AKR1B15: variants seen among roughly 807,000 people sequenced by gnomAD.
AKR1B15 encodes aldo-keto reductase family 1 member B15, also known as estradiol 17-beta-dehydrogenase AKR1B15.
Under a neutral mutation model 38.5 loss-of-function variants are expected in AKR1B15, and 49 were observed. That is an observed-to-expected ratio of 1.27 (90% confidence interval 1.01 to 1.62). AKR1B15 has a LOEUF of 1.62. AKR1B15 is among the 40% of genes most tolerant of loss of function. AKR1B15 has a pLI of 0.00. For synonymous variants in AKR1B15, 137 were observed against 135.5 expected (o/e 1.01, Z -0.08); for missense variants, 411 against 381.6 (o/e 1.08, Z -0.64).
At chr7:134,559,564 T>G (rs1794320372) in intron 2 of AKR1B15, among the ~76,000 whole-genome samples, 1 of 152,220 alleles carries the variant, frequency 6.6e-6, no homozygotes, top group Non-Finnish European at 1.5e-5. Flanking sequence ...GACAGATCCA[T>G]TTCTTAGAGA....
chr7:134,569,806 A>C, intron 5 of AKR1B15: 1 of 347,268 alleles, frequency 2.9e-6, no homozygotes, highest in Non-Finnish European at 5.5e-6. Context: ...TAAATCTCTT[A>C]ATCCCATCAT....
At chr7:134,577,924 T>G in intron 11 of AKR1B15, 138 bp downstream of exon 11, 1 of 957,548 alleles carries the variant, frequency 1.0e-6, no homozygotes, top group East Asian at 2.6e-5. Context: ...AAAGTTAAAA[T>G]TTGGGTACCT....
At chr7:134,551,837 A>G (rs1223593490) in intron 1 of AKR1B15, among the ~76,000 whole-genome samples, 1 of 152,204 alleles carries the variant, frequency 6.6e-6, no homozygotes, top group Non-Finnish European at 1.5e-5. Flanking sequence ...AATGCCCATT[A>G]AAGCCAGAGG....
chr7:134,555,188 G>A (rs1387901663), intron 1 of AKR1B15, among the ~76,000 whole-genome samples: 1 of 152,108 alleles, frequency 6.6e-6, no homozygotes, highest in African/African-American at 2.4e-5. Flanking sequence ...TCTCCAACGG[G>A]TACAAGACAT....
intron 2 of AKR1B15, among the ~76,000 whole-genome samples, chr7:134,562,862 C>CTTTCT (rs1306768934): frequency 7.0e-6 from 1 of 142,974 alleles, no homozygotes; most frequent in East Asian, 2.0e-4. Context: ...TTCTTTCTTT[C>CTTTCT]TTTCTTTCTT....
rs1794844244 is a variant in AKR1B15, at chr7:134,579,818, C to T, written c.*269C>T. On this transcript the variant is annotated 3_prime_UTR_variant, in exon 12 of 12. Transcript: ENST00000457545. Reference sequence around the variant, plus strand: ...TCAAATGTCTGTTAAGCACCAGAAACTCTGCCAACACTGAGGATGTAAAGA... The same window carrying T: ...TCAAATGTCTGTTAAGCACCAGAAATTCTGCCAACACTGAGGATGTAAAGA... The T allele has an allele frequency of 5.4e-6, 2 of 369,992 alleles. No homozygotes were observed. The highest frequency in any genetic ancestry group is 4.2e-5 in the African/African-American group (2 of 47,762). The allele number at this position is 369,992 out of a possible 1,614,324, so 22.9% of individuals were successfully genotyped here.
In AKR1B15 at chr7:134,577,701, T is replaced by G. The variant is rs368796813; in HGVS notation, c.910-3T>G. The G allele has an allele frequency of 1.9e-6, 3 of 1,613,470 alleles. No individual in the cohort carries two copies. The highest frequency in any genetic ancestry group is 2.2e-5 in the South Asian group (2 of 90,928). ...TAATGTATTGGAATTCTTTCCTTTC[T>G]AGGTCTTTGACTTTAAATTGAGTGA... is the stretch of plus-strand genomic sequence containing the variant. On this transcript the variant is annotated splice_region_variant and splice_polypyrimidine_tract_variant and intron_variant, in intron 10 of 11. Coordinates refer to ENST00000457545, the MANE Select transcript of AKR1B15 (RefSeq NM_001080538.3).
chr7:134,565,471 C>T (rs577983781), intron 3 of AKR1B15: 48 of 1,613,116 alleles, frequency 3.0e-5, no homozygotes, highest in Admixed American at 2.7e-4. Context: ...GAATCATTTC[C>T]GCACCAACCA....
intron 3 of AKR1B15, 113 bp from the exon 4 acceptor site, chr7:134,568,045 A>T: frequency 7.8e-7 from 1 of 1,288,548 alleles, no homozygotes; most frequent in South Asian, 1.3e-5. Context: ...GCTACTCAGG[A>T]GTTGGGAGGA....
rs767294095 is a variant in AKR1B15 at position 134,568,207 on chromosome 7, A to G, written c.200A>G (p.Glu67Gly). Residue 67 changes from glutamate (E) to glycine (G), a missense_variant, in exon 4 of 12, where the codon GAA (glutamate) becomes GGA (glycine). This residue lies in a region of AKR1B15 where 254 missense variants were observed against 212.4 expected (regional missense o/e 1.20). Transcript: ENST00000457545. ...GCGGTGAAGGTGGCCATTGATGCAG[A>G]ATATCGCCACATTGACTGTGCCTAT... Reference protein sequence around the residue: ...KEAVKVAIDAEYRHIDCAYFY... With the variant: ...KEAVKVAIDAGYRHIDCAYFY... The G allele has an allele frequency of 1.2e-6, 2 of 1,614,112 alleles. No homozygotes were observed. Among genetic ancestry groups the G allele is most frequent in the Non-Finnish European group, 1.7e-6 (2 of 1,180,000 alleles).
intron 6 of AKR1B15, 28 bp downstream of exon 6, chr7:134,571,709 T>C: frequency 6.4e-7 from 1 of 1,573,296 alleles, no homozygotes; most frequent in Non-Finnish European, 8.7e-7. Context: ...CTAAGTGTGC[T>C]GGGAGAGAAA....
At chr7:134,552,830 G>A (rs901556254) in intron 1 of AKR1B15, among the ~76,000 whole-genome samples, 4 of 152,010 alleles carry the variant, frequency 2.6e-5, no homozygotes, top group Admixed American at 2.6e-4. Flanking sequence ...AATTAACCTG[G>A]ACTTGGTTAC....
Position 134,568,137 on chromosome 7 carries a change from GGCTTTTCTTTT to G in AKR1B15, c.151-13_151-3del. The G allele has an allele frequency of 6.2e-7, 1 of 1,613,656 alleles. No homozygotes were observed. The highest frequency in any genetic ancestry group is 8.5e-7 in the Non-Finnish European group (1 of 1,179,850). On this transcript the variant is annotated splice_polypyrimidine_tract_variant and intron_variant, in intron 3 of 11. Transcript: ENST00000457545. ...TTAAAAAAAAAATACATGTGTGATGGGCTTTTCTTTTGCTTTTCAGTCTCTTCTCGGCAAAG... is the reference window on the plus strand; with the variant it reads ...TTAAAAAAAAAATACATGTGTGATGGGCTTTTCAGTCTCTTCTCGGCAAAG...
At chr7:134,577,824 G>A (rs1431860417) in intron 11 of AKR1B15, 38 bp downstream of exon 11, 6 of 1,604,032 alleles carry the variant, frequency 3.7e-6, no homozygotes, top group Non-Finnish European at 5.1e-6. Flanking sequence ...ATTGCCAGGA[G>A]TTTTTCTAAA....
rs368736643 is a variant in AKR1B15 at position 134,571,727 on chromosome 7, T to C, written c.513+46T>C. On this transcript the variant is annotated intron_variant, in intron 6 of 11. Coordinates refer to ENST00000457545, the MANE Select transcript of AKR1B15 (RefSeq NM_001080538.3). The stretch of plus-strand genomic sequence containing the variant: ...AGTGTGCTGGGAGAGAAATCCTCAG[T>C]TATCCATGAGATTCCCATTGATATG... The C allele has an allele frequency of 1.2e-5, 18 of 1,470,054 alleles. No individual in the cohort carries two copies. In the African/African-American group the frequency reaches 2.5e-4, roughly 21 times the overall value. The allele number at this position is 1,470,054 out of a possible 1,614,324, so 91.1% of individuals were successfully genotyped here. A position where few individuals can be genotyped will look rare whatever the true frequency, so the allele number is the denominator to read the frequency against.
chr7:134,570,065 A>G (rs550560452), intron 5 of AKR1B15: 3 of 154,086 alleles, frequency 1.9e-5, no homozygotes, highest in Admixed American at 1.9e-4. Context: ...TCTTTTTCTC[A>G]GCAAGGAACA....
intron 2 of AKR1B15, among the ~76,000 whole-genome samples, chr7:134,561,502 C>T (rs1029176963): frequency 3.3e-5 from 5 of 152,154 alleles, no homozygotes; most frequent in African/African-American, 9.7e-5. Context: ...ACACCATGCC[C>T]GGACCATGCA....
intron 11 of AKR1B15, among the ~76,000 whole-genome samples, chr7:134,578,498 T>C (rs1422978862): frequency 6.6e-6 from 1 of 152,186 alleles, no homozygotes; most frequent in Non-Finnish European, 1.5e-5. Context: ...ACTTTAAATC[T>C]CAGATAAGTT....
intron 2 of AKR1B15, among the ~76,000 whole-genome samples, chr7:134,557,584 G>A (rs1414647581): frequency 5.3e-5 from 8 of 151,526 alleles, no homozygotes; most frequent in Non-Finnish European, 7.4e-5. Flanking sequence ...GCACTCGGTT[G>A]ACGGTGCCCA....
Sources: gnomAD v4.1 joint callset for allele counts (sites outside exome capture counted in the v4.1 genomes callset) on GRCh38, gnomAD v4.1.1 for gene constraint, gnomAD v4.1.1 regional missense constraint, MANE v1.5 for transcripts, NCBI Gene and HGNC (gene_info 2026-07-23, HGNC 2026-07-21) for gene names.